The following MAST4 variants were observed in gnomAD, a reference collection of about 807,000 sequenced individuals.
MAST4 encodes the protein microtubule associated serine/threonine kinase family member 4.
Under a neutral mutation model 162.7 loss-of-function variants are expected in MAST4, and 89 were observed. That is an observed-to-expected ratio of 0.55 (90% CI 0.46 to 0.65). The LOEUF (loss-of-function observed/expected upper bound fraction) is 0.65, where lower values mean the gene tolerates loss of function less well. MAST4 is among the 30% of genes least tolerant of loss of function. The pLI, the probability that MAST4 is intolerant of heterozygous loss-of-function variation, is 0.00. For synonymous variants in MAST4, 1,479 were observed against 1,361.1 expected, an observed-to-expected ratio of 1.09 and a Z score of -1.91; for missense variants, 3,153 against 3,374.0, an observed-to-expected ratio of 0.93 and a Z score of 1.62.
At chr5:66,915,776 C>T (rs1169290418) in intron 4 of MAST4, among the ~76,000 whole-genome samples, 1 of 152,212 alleles carries the variant, frequency 6.6e-6, no homozygotes, top group Non-Finnish European at 1.5e-5. Flanking sequence ...GTCTCAGGGA[C>T]ACAGGTCCTC....
chr5:67,081,610 A>G (rs982569483), intron 5 of MAST4, among the ~76,000 whole-genome samples: 6 of 152,182 alleles, frequency 3.9e-5, no homozygotes, highest in African/African-American at 1.2e-4. Flanking sequence ...CTGGCTGCAC[A>G]TTAGAATTAT....
At chr5:66,956,080 C>T (rs534046067) in intron 4 of MAST4, among the ~76,000 whole-genome samples, 1 of 152,152 alleles carries the variant, frequency 6.6e-6, no homozygotes, top group South Asian at 2.1e-4. Context: ...ACCTCAGCCT[C>T]CCAACATGCT....
chr5:66,726,340 C>T (rs1037748237), intron 1 of MAST4, among the ~76,000 whole-genome samples: 5 of 152,166 alleles, frequency 3.3e-5, no homozygotes, highest in Admixed American at 3.3e-4. Context: ...TTCACTTAAC[C>T]ACATTCCAAG....
At chr5:66,778,735 T>G (rs952630034) in intron 2 of MAST4, among the ~76,000 whole-genome samples, 2 of 152,218 alleles carry the variant, frequency 1.3e-5, no homozygotes, top group African/African-American at 4.8e-5. Flanking sequence ...TTGAATCACC[T>G]TGCCATATTA....
At chr5:67,015,795 G>A (rs999123866) in intron 4 of MAST4, among the ~76,000 whole-genome samples, 1 of 152,152 alleles carries the variant, frequency 6.6e-6, no homozygotes, top group Non-Finnish European at 1.5e-5. Flanking sequence ...TACTTGGAGG[G>A]GCTATTTATG....
intron 3 of MAST4, among the ~76,000 whole-genome samples, chr5:66,891,145 A>G (rs1326514593): frequency 6.6e-6 from 1 of 152,108 alleles, no homozygotes; most frequent in East Asian, 1.9e-4. Context: ...CTTTTCATCC[A>G]CTTTCAGATT....
Position 66,639,593 on chromosome 5 carries a change from T to G in MAST4, c.363+42575T>G, listed in dbSNP as rs182175493. ...CTAAGGACAAAAAACAGCTCCAAAA[T>G]GTTTCAAATGCTTTTAATAATCATA... On this transcript the variant is annotated intron_variant, in intron 1 of 28. Transcript: ENST00000403625. 6.6e-5 allele frequency among the ~76,000 whole-genome samples: 10 copies of G among 152,208 alleles called. No homozygotes were observed. In the East Asian group the frequency reaches 1.7e-3, roughly 26 times the overall value.
At position 66,610,810 on chromosome 5, in the gene MAST4, T is replaced by A. The variant is rs941065871; in HGVS notation, c.363+13792T>A. Among the ~76,000 whole-genome samples, 5 of 152,246 alleles carry A rather than the reference T, an allele frequency of 3.3e-5. No homozygotes were observed. In the East Asian group the frequency reaches 9.6e-4, roughly 29 times the overall value. ...CATTCAGCCTTCACTCCCAGCCACGTTGTGGCTCTGGGGAGCCTCTTGAAG... is the reference window on the plus strand; with the variant it reads ...CATTCAGCCTTCACTCCCAGCCACGATGTGGCTCTGGGGAGCCTCTTGAAG... On this transcript the variant is annotated intron_variant, in intron 1 of 28. Transcript: ENST00000403625.
At chr5:66,664,963 A>G (rs1251683119) in intron 1 of MAST4, among the ~76,000 whole-genome samples, 4 of 152,218 alleles carry the variant, frequency 2.6e-5, no homozygotes, top group African/African-American at 9.6e-5. Flanking sequence ...GCTGAAGCAC[A>G]GATAAGAGCT....
At chr5:67,097,158 TCCA>T in intron 7 of MAST4, among the ~76,000 whole-genome samples, 1 of 152,280 alleles carries the variant, frequency 6.6e-6, no homozygotes, top group East Asian at 1.9e-4. Context: ...TTGTATTCTT[TCCA>T]TCTTTAGTAA....
At chr5:66,973,161 G>A (rs1257317785) in intron 4 of MAST4, among the ~76,000 whole-genome samples, 1 of 151,894 alleles carries the variant, frequency 6.6e-6, no homozygotes, top group Non-Finnish European at 1.5e-5. Flanking sequence ...AAATACTTAA[G>A]CATGTATCTC....
At chr5:66,727,546 A>G (rs906936134) in intron 1 of MAST4, among the ~76,000 whole-genome samples, 26 of 152,118 alleles carry the variant, frequency 1.7e-4, no homozygotes, top group African/African-American at 6.0e-4. Flanking sequence ...ATAGTTTCCA[A>G]GTTCAGTGCA....
rs1580566433 is a variant in MAST4, at chr5:66,831,419, C to T, written c.642+42625C>T. Reference sequence around the variant, plus strand: ...CCCAGTGTCAAAAATCTGGAGTATACACTATTCTAATTCTCAAATCTAATT... The same window carrying T: ...CCCAGTGTCAAAAATCTGGAGTATATACTATTCTAATTCTCAAATCTAATT... On this transcript the variant is annotated intron_variant, in intron 3 of 28. Coordinates refer to ENST00000403625, the MANE Select transcript of MAST4 (RefSeq NM_001164664.2). 2.0e-5 allele frequency among the ~76,000 whole-genome samples: 3 copies of T among 152,152 alleles called. No individual in the cohort carries two copies. The South Asian group carries it at 6.2e-4, about 32-fold the overall frequency.
chr5:67,165,541 G>A lies in MAST4; in HGVS notation c.6362G>A (p.Arg2121Lys), dbSNP rs1406430671. Residue 2121 changes from arginine to lysine, a missense_variant, in exon 29 of 29, where the codon AGG becomes AAG. Arg to Lys is a conservative substitution (Grantham distance 26). Around this residue, in one of 7 missense-constraint regions of MAST4, gnomAD observed 1,644 missense variants for 1,495.0 expected, o/e 1.10. Coordinates refer to ENST00000403625, the MANE Select transcript of MAST4 (RefSeq NM_001164664.2). The stretch of plus-strand genomic sequence containing the variant: ...AAAGATGGTGCCAAGGAACCTGAAA[G>A]GAAGGAGCAGCCTCTACAAAGGCAT... ...LQKDGAKEPE[R>K]KEQPLQRHPS... 1.9e-6 allele frequency: 3 copies of A among 1,614,018 alleles called. No individual in the cohort carries two copies. The highest frequency in any genetic ancestry group is 1.3e-5 in the African/African-American group (1 of 75,056).
At chr5:67,092,679 TGTGA>T (rs1764001872) in intron 6 of MAST4, among the ~76,000 whole-genome samples, 1 of 152,222 alleles carries the variant, frequency 6.6e-6, no homozygotes. Flanking sequence ...CAAGAAATGC[TGTGA>T]GTCTCTCCTA....
chr5:66,755,225 A>C (rs1168627937), intron 1 of MAST4, among the ~76,000 whole-genome samples: 1 of 152,198 alleles, frequency 6.6e-6, no homozygotes, highest in South Asian at 2.1e-4. Context: ...AGGATTTACT[A>C]GTTGGATATG....
At chr5:66,874,275 TG>T (rs1228911894) in intron 3 of MAST4, among the ~76,000 whole-genome samples, 1 of 152,150 alleles carries the variant, frequency 6.6e-6, no homozygotes, top group African/African-American at 2.4e-5. Flanking sequence ...TCAAAGACCA[TG>T]GAGCAGTTAT....
intron 3 of MAST4, among the ~76,000 whole-genome samples, chr5:66,812,684 A>G (rs761980554): frequency 1.4e-4 from 22 of 152,200 alleles, no homozygotes; most frequent in Non-Finnish European, 2.6e-4. Flanking sequence ...CACATTTGGT[A>G]GTAAAAGGCT....
chr5:67,097,475 A>G (rs1764592336), intron 7 of MAST4, among the ~76,000 whole-genome samples: 1 of 152,078 alleles, frequency 6.6e-6, no homozygotes, highest in South Asian at 2.1e-4. Context: ...GCAGTTTTAG[A>G]ACCCAGCATC....
Sources: gnomAD v4.1 joint callset for allele counts (sites outside exome capture counted in the v4.1 genomes callset) on GRCh38, gnomAD v4.1.1 for gene constraint, gnomAD v4.1.1 regional missense constraint, MANE v1.5 for transcripts, NCBI Gene and HGNC (gene_info 2026-07-23, HGNC 2026-07-21) for gene names.